Variants in SPIDR observed in about 807,000 individuals in gnomAD.
SPIDR encodes scaffold protein involved in DNA repair.
A neutral mutation model predicts 104.6 loss-of-function variants in SPIDR; 93 were observed. The ratio of observed to expected loss-of-function variants is 0.89; its 90% CI spans 0.75 to 1.06. The LOEUF (loss-of-function observed/expected upper bound fraction) is 1.06, where lower values mean the gene tolerates loss of function less well. Ranked by LOEUF, SPIDR falls within the 50% of genes least tolerant of loss-of-function variation. The probability of loss-of-function intolerance (pLI) is 0.00; values close to 1 mark genes in which losing one functional copy is unlikely to be tolerated. For synonymous variants in SPIDR, 431 were observed against 416.9 expected, an observed-to-expected ratio of 1.03 and a Z score of -0.41; for missense variants, 1,154 against 1,111.2, an observed-to-expected ratio of 1.04 and a Z score of -0.55.
chr8:47,658,243 A>C (rs963775597), intron 10 of SPIDR, among the ~76,000 whole-genome samples: 1 of 151,414 alleles, frequency 6.6e-6, no homozygotes, highest in Non-Finnish European at 1.5e-5. Flanking sequence ...ACATGGAGAA[A>C]CCCTGTCTCT....
intron 5 of SPIDR, among the ~76,000 whole-genome samples, chr8:47,308,040 C>T (rs587642012): frequency 1.3e-5 from 2 of 151,994 alleles, no homozygotes; most frequent in African/African-American, 4.8e-5. Flanking sequence ...ATTAGATTCT[C>T]CCTCTTCCCC....
intron 8 of SPIDR, among the ~76,000 whole-genome samples, chr8:47,571,383 G>C (rs1364694977): frequency 6.6e-6 from 1 of 152,048 alleles, no homozygotes; most frequent in Middle Eastern, 3.2e-3. Context: ...ATCACATTGT[G>C]TCCCTCTTAT....
chr8:47,386,926 T>G (rs946889566), intron 5 of SPIDR, among the ~76,000 whole-genome samples: 3 of 135,794 alleles, frequency 2.2e-5, no homozygotes, highest in South Asian at 2.3e-4. Context: ...GATATAGATA[T>G]AGATATAGAT....
In SPIDR at chr8:47,639,290, T is replaced by C. The variant is rs150233930; in HGVS notation, c.1545-34511T>C. ...TTCTTCACACATTATAAAAAGTGTT[T>C]TGTTGCATAAGTCATAACAATGAAT... On this transcript the variant is annotated intron_variant, in intron 10 of 19. Transcript: ENST00000297423. 5.9e-5 allele frequency among the ~76,000 whole-genome samples: 9 copies of C among 152,328 alleles called. No individual in the cohort carries two copies. The East Asian group carries it at 1.2e-3, about 20-fold the overall frequency.
intron 5 of SPIDR, among the ~76,000 whole-genome samples, chr8:47,314,414 C>G (rs587620365): frequency 3.9e-5 from 6 of 152,198 alleles, no homozygotes; most frequent in South Asian, 2.1e-4. Flanking sequence ...AAGACATACT[C>G]GAAACTGGGT....
chr8:47,386,842 G>T (rs1378172926), intron 5 of SPIDR, among the ~76,000 whole-genome samples: 1 of 151,426 alleles, frequency 6.6e-6, no homozygotes, highest in Non-Finnish European at 1.5e-5. Context: ...ATTTTCTCAT[G>T]TTCCAGAAAA....
intron 8 of SPIDR, among the ~76,000 whole-genome samples, chr8:47,518,842 A>G (rs899789734): frequency 1.1e-4 from 16 of 152,054 alleles, no homozygotes; most frequent in Admixed American, 4.6e-4. Flanking sequence ...TCACTGTGTT[A>G]GCCAGGATGG....
intron 10 of SPIDR, among the ~76,000 whole-genome samples, chr8:47,656,817 A>T (rs1196226960): frequency 1.3e-5 from 2 of 152,264 alleles, no homozygotes; most frequent in African/African-American, 2.4e-5. Context: ...ATGGAATATC[A>T]TTCAGCAACA....
chr8:47,417,445 A>G (rs1454938700), intron 7 of SPIDR, among the ~76,000 whole-genome samples: 3 of 152,144 alleles, frequency 2.0e-5, no homozygotes, highest in African/African-American at 7.2e-5. Context: ...GTGTCTGTTC[A>G]TATCCTTTGC....
chr8:47,729,530 C>T, intron 19 of SPIDR, 65 bp downstream of exon 19: 1 of 1,531,352 alleles, frequency 6.5e-7, no homozygotes, highest in Admixed American at 2.0e-5. Context: ...AACTCATCCC[C>T]AGAGGAAGCC....
At chr8:47,428,722 A>G (rs1187793929) in intron 7 of SPIDR, among the ~76,000 whole-genome samples, 4 of 152,194 alleles carry the variant, frequency 2.6e-5, no homozygotes, top group Non-Finnish European at 4.4e-5. Context: ...ATTTGTCCTT[A>G]AACTTCTTTG....
intron 10 of SPIDR, among the ~76,000 whole-genome samples, chr8:47,666,032 T>A (rs1224187241): frequency 6.6e-6 from 1 of 152,240 alleles, no homozygotes. Context: ...CTAGTCACTT[T>A]AAAAATTCAT....
chr8:47,436,458 A>C (rs188025809), intron 7 of SPIDR, among the ~76,000 whole-genome samples: 91 of 152,300 alleles, frequency 6.0e-4, no homozygotes, highest in African/African-American at 2.0e-3. Flanking sequence ...ATGGTGGCTC[A>C]CACCTGTAAT....
At chr8:47,549,309 G>A (rs1378324856) in intron 8 of SPIDR, among the ~76,000 whole-genome samples, 1 of 152,098 alleles carries the variant, frequency 6.6e-6, no homozygotes, top group African/African-American at 2.4e-5. Flanking sequence ...TGGGTCAAAT[G>A]GTATTTCTAG....
chr8:47,394,986 A>G (rs2061088610), intron 5 of SPIDR, among the ~76,000 whole-genome samples: 1 of 152,152 alleles, frequency 6.6e-6, no homozygotes, highest in South Asian at 2.1e-4. Context: ...AGTGTGCCTG[A>G]TAGAAGGTGA....
intron 7 of SPIDR, among the ~76,000 whole-genome samples, chr8:47,413,399 C>T (rs782407681): frequency 9.9e-5 from 15 of 152,220 alleles, no homozygotes; most frequent in Non-Finnish European, 1.8e-4. Context: ...AGCCAGGCCT[C>T]CTGGTTCCCA....
chr8:47,692,479 A>G (rs1387021249), intron 11 of SPIDR, among the ~76,000 whole-genome samples: 1 of 147,722 alleles, frequency 6.8e-6, no homozygotes, highest in Non-Finnish European at 1.5e-5. Flanking sequence ...AACATGTATC[A>G]GAATTTCCTT....
intron 10 of SPIDR, among the ~76,000 whole-genome samples, 188 bp downstream of exon 10, chr8:47,599,384 T>A (rs2061993016): frequency 6.6e-6 from 1 of 152,256 alleles, no homozygotes; most frequent in Admixed American, 6.5e-5. Flanking sequence ...ATCTATTTAA[T>A]TTTAAAGTCC....
Position 47,439,885 on chromosome 8 carries a change from A to G in SPIDR, c.878-438A>G, listed in dbSNP as rs188215895. Among the ~76,000 whole-genome samples the G allele has an allele frequency of 1.8e-3, 277 of 152,334 alleles. 1 individual carries two copies. The highest frequency in any genetic ancestry group is 5.7e-3 in the African/African-American group (236 of 41,574). ...ATCATTGGAACAGCTGCAGCCAGCT[A>G]GTAACATACATGATTTCAAAGCAGA... On this transcript the variant is annotated intron_variant, in intron 7 of 19. Transcript: ENST00000297423.
Sources: allele counts gnomAD v4.1 joint callset (sites outside exome capture counted in the v4.1 genomes callset), GRCh38; gene constraint gnomAD v4.1.1; transcripts MANE v1.5; gene names NCBI Gene and HGNC (gene_info 2026-07-23, HGNC 2026-07-21).